Variants in SYNE2 observed in about 807,000 individuals in gnomAD.
The protein encoded by SYNE2 is spectrin repeat containing nuclear envelope protein 2.
Under a neutral mutation model 856.3 loss-of-function variants are expected in SYNE2, and 431 were observed. The ratio of observed to expected loss-of-function variants is 0.50; its 90% confidence interval spans 0.47 to 0.55. SYNE2 has a LOEUF of 0.55. Among genes scored for constraint, SYNE2 ranks in the 20% least tolerant of loss-of-function variants. SYNE2 has a pLI of 0.00. For synonymous variants in SYNE2, 2,923 were observed against 2,872.3 expected (o/e 1.02, Z -0.56); for missense variants, 8,129 against 8,023.2 (o/e 1.01, Z -0.50).
intron 108 of SYNE2, 125 bp from the exon 109 acceptor site, chr14:64,218,273 G>GC: frequency 1.2e-6 from 1 of 865,318 alleles, no homozygotes; most frequent in Non-Finnish European, 1.9e-6. Context: ...TGTATTCCTA[G>GC]CAAGATACCC....
intron 48 of SYNE2, among the ~76,000 whole-genome samples, chr14:64,054,852 G>T (rs1302064353): frequency 6.6e-6 from 1 of 152,154 alleles, no homozygotes; most frequent in Non-Finnish European, 1.5e-5. Context: ...CTAATTCAAA[G>T]AGTTATTATG....
At position 64,226,044 on chromosome 14, in the gene SYNE2, C is replaced by CA. The variant is rs1287687066; in HGVS notation, c.*522dup. 1 of 205,980 alleles carries CA rather than the reference C, an allele frequency of 4.9e-6. No homozygotes were observed. The highest frequency in any genetic ancestry group is 2.3e-5 in the African/African-American group (1 of 43,722). The allele number at this position is 205,980 out of a possible 1,614,324, so 12.8% of individuals were successfully genotyped here. A position where few individuals can be genotyped will look rare whatever the true frequency, so the allele number is the denominator to read the frequency against. On this transcript the variant is annotated 3_prime_UTR_variant, in exon 116 of 116. Coordinates refer to ENST00000555002, the MANE Select transcript of SYNE2 (RefSeq NM_182914.3). Reference sequence around the variant, plus strand: ...CAATTTTGAGCTGCCGGTTATACACCAAAATGTTCTGTTCAGTACCTAGCT... The same window carrying CA: ...CAATTTTGAGCTGCCGGTTATACACCAAAAATGTTCTGTTCAGTACCTAGCT...
chr14:64,062,732 T>C lies in SYNE2; in HGVS notation c.10068-19T>C, dbSNP rs766542424. On this transcript the variant is annotated intron_variant, in intron 49 of 115. Transcript: ENST00000555002. ...AAATAAAATTTAATACCACTTTTTT[T>C]CTAACTGTGACTCACTAGGTATCTT... 6 of 1,607,778 alleles carry C rather than the reference T, an allele frequency of 3.7e-6. No homozygotes were observed. The African/African-American group carries it at 6.7e-5, about 18-fold the overall frequency.
chr14:64,145,309 G>A (rs865877686), intron 83 of SYNE2, among the ~76,000 whole-genome samples: 66 of 151,906 alleles, frequency 4.3e-4, no homozygotes, highest in African/African-American at 1.6e-3. Context: ...AGGCCGAGGC[G>A]GGCAGATCAC....
chr14:64,150,007 C>CTTTTTT (rs755126549), intron 84 of SYNE2, among the ~76,000 whole-genome samples: 399 of 94,370 alleles, frequency 4.2e-3, no homozygotes, highest in Middle Eastern at 7.4e-3. Context: ...TTTTTCTTTT[C>CTTTTTT]TTTTTTTTTT....
chr14:63,780,331 C>T (rs779804391), intron 1 of SYNE2, among the ~76,000 whole-genome samples: 104 of 152,216 alleles, frequency 6.8e-4, no homozygotes, highest in Admixed American at 1.8e-3. Flanking sequence ...GTCAGGAGTT[C>T]AAGACCAGCC....
At chr14:64,038,260 C>T (rs1490243773) in intron 45 of SYNE2, among the ~76,000 whole-genome samples, 17 of 150,348 alleles carry the variant, frequency 1.1e-4, no homozygotes, top group African/African-American at 2.7e-4. Context: ...CGGGAAGAGG[C>T]GCTCCTCACT....
In SYNE2 at chr14:64,123,967, G is replaced by T. The variant is rs566045357; in HGVS notation, c.13423-1112G>T. On this transcript the variant is annotated intron_variant, in intron 70 of 115. Transcript: ENST00000555002. ...CGCCTATAATCCCAGCACTTCAGGA[G>T]CCTGAGGCGTGTGGATCACCTGAGG... Among the ~76,000 whole-genome samples, 51 of 151,508 alleles carry T rather than the reference G, an allele frequency of 3.4e-4. 1 individual carries two copies. The highest frequency in any genetic ancestry group is 1.2e-3 in the African/African-American group (51 of 41,188).
chr14:63,815,205 C>CATATATATATGGAT (rs1316734811), intron 1 of SYNE2, among the ~76,000 whole-genome samples: 2 of 94,612 alleles, frequency 2.1e-5, no homozygotes, highest in Non-Finnish European at 4.3e-5. Flanking sequence ...TATATATATC[C>CATATATATATGGAT]ATATATATAT....
At chr14:64,080,849 TC>T (rs1242507552) in intron 56 of SYNE2, among the ~76,000 whole-genome samples, 1 of 152,104 alleles carries the variant, frequency 6.6e-6, no homozygotes, top group Non-Finnish European at 1.5e-5. Flanking sequence ...GAACCAAGAA[TC>T]CAGAAGTTGA....
chr14:64,014,885 T>C (rs1166961226), intron 32 of SYNE2, among the ~76,000 whole-genome samples: 3 of 147,338 alleles, frequency 2.0e-5, no homozygotes, highest in Non-Finnish European at 3.0e-5. Context: ...AAACTAGCCT[T>C]GCATTCCTGG....
chr14:64,099,948 A>G (rs2097707590), intron 63 of SYNE2: 1 of 152,132 alleles, frequency 6.6e-6, no homozygotes, highest in African/African-American at 2.4e-5. Flanking sequence ...TAGAACTAGA[A>G]ATACCATTTG....
intron 27 of SYNE2, among the ~76,000 whole-genome samples, chr14:63,999,609 A>G (rs1044288350): frequency 1.3e-5 from 2 of 152,258 alleles, no homozygotes; most frequent in African/African-American, 4.8e-5. Flanking sequence ...CTCAGAAACA[A>G]CAGAAAGAAG....
In SYNE2 at chr14:63,977,933, C is replaced by A; in HGVS notation, c.1322C>A (p.Ser441Ter). Residue 441 changes from serine to a stop codon, truncating the protein, a stop_gained, in exon 13 of 116, where the codon TCG becomes TAG. Coordinates refer to ENST00000555002, the MANE Select transcript of SYNE2 (RefSeq NM_182914.3). LOFTEE classifies it high-confidence loss of function. ...KSLMDRFEHH[S>*]NILLTFENKD... ...CTGATGGATAGATTTGAGCATCATT[C>A]GAACATTCTCCTTACCTTTGAAAAT... is the stretch of plus-strand genomic sequence containing the variant. The A allele has an allele frequency of 6.2e-7, 1 of 1,613,542 alleles. No individual in the cohort carries two copies. The highest frequency in any genetic ancestry group is 8.5e-7 in the Non-Finnish European group (1 of 1,179,606).
At chr14:64,011,142 C>T (rs1339988238) in intron 32 of SYNE2, among the ~76,000 whole-genome samples, 1 of 46,578 alleles carries the variant, frequency 2.1e-5, no homozygotes, top group Non-Finnish European at 1.0e-4. Context: ...AAATGACACC[C>T]AGAGTGTCAG....
rs2097577096 is a variant in SYNE2, at chr14:64,087,999, A to C, written c.11670+143A>C. On this transcript the variant is annotated intron_variant, in intron 58 of 115. Transcript: ENST00000555002. ...GGAGTTCAAGACAAGCCTGGCCAAC[A>C]TGGTGAAACCCTGTCTCTACTAAAA... 22 of 843,040 alleles carry C rather than the reference A, an allele frequency of 2.6e-5. 1 individual carries two copies. In the South Asian group the frequency reaches 3.2e-4, roughly 12 times the overall value. The allele number at this position is 843,040 out of a possible 1,614,324, so 52.2% of individuals were successfully genotyped here.
At chr14:64,037,933 C>CG (rs1345434692) in intron 45 of SYNE2, among the ~76,000 whole-genome samples, 1 of 151,364 alleles carries the variant, frequency 6.6e-6, no homozygotes, top group African/African-American at 2.4e-5. Flanking sequence ...GCTGGCCGGG[C>CG]GGGGGGCTGA....
At chr14:63,905,564 A>G (rs946308726) in intron 1 of SYNE2, among the ~76,000 whole-genome samples, 1 of 152,110 alleles carries the variant, frequency 6.6e-6, no homozygotes, top group South Asian at 2.1e-4. Flanking sequence ...CTTTGTGGCT[A>G]TTGTAAACGG....
intron 100 of SYNE2, among the ~76,000 whole-genome samples, chr14:64,206,302 C>T (rs1596219084): frequency 6.6e-6 from 1 of 152,160 alleles, no homozygotes; most frequent in South Asian, 2.1e-4. Flanking sequence ...TTCTTAAATC[C>T]ACTTTTTCTC....
Sources: gnomAD v4.1 joint callset for allele counts (sites outside exome capture counted in the v4.1 genomes callset) on GRCh38, gnomAD v4.1.1 for gene constraint, MANE v1.5 for transcripts, NCBI Gene and HGNC (gene_info 2026-07-23, HGNC 2026-07-21) for gene names.